Variants in SLC12A8 observed in about 807,000 individuals in gnomAD.
The protein encoded by SLC12A8 is solute carrier family 12 member 8.
A neutral mutation model predicts 75.6 loss-of-function variants in SLC12A8; 69 were observed. The observed-to-expected ratio is 0.91, with a 90% CI of 0.75 to 1.11. The LOEUF is 1.11. Among genes scored for constraint, SLC12A8 ranks in the 50% most tolerant of loss-of-function variants. The pLI is 0.00. For missense variants in SLC12A8, 877 were observed against 896.7 expected (o/e 0.98, Z 0.28); for synonymous variants, 365 against 372.8 (o/e 0.98, Z 0.24).
At chr3:125,100,460 T>A (rs1390277136) in intron 10 of SLC12A8, among the ~76,000 whole-genome samples, 1 of 151,666 alleles carries the variant, frequency 6.6e-6, no homozygotes, top group Non-Finnish European at 1.5e-5. Flanking sequence ...CAGGCTGGAG[T>A]GCAATGGCAT....
chr3:125,180,012 TC>T (rs750525354), intron 4 of SLC12A8, among the ~76,000 whole-genome samples: 2 of 150,552 alleles, frequency 1.3e-5, no homozygotes, highest in African/African-American at 4.8e-5. Flanking sequence ...ACCATCTGCA[TC>T]CAAAGCTTCC....
chr3:125,112,631 A>G (rs1939215786), intron 8 of SLC12A8, among the ~76,000 whole-genome samples: 1 of 152,240 alleles, frequency 6.6e-6, no homozygotes, highest in South Asian at 2.1e-4. Context: ...TGGATCCATT[A>G]TCAATCCTCA....
intron 5 of SLC12A8, among the ~76,000 whole-genome samples, chr3:125,142,231 A>G (rs932248014): frequency 4.6e-5 from 7 of 152,202 alleles, no homozygotes; most frequent in African/African-American, 1.7e-4. Flanking sequence ...GTCACCCACA[A>G]GAGTTCCTTC....
chr3:125,102,182 G>C (rs1211347230), intron 10 of SLC12A8, among the ~76,000 whole-genome samples: 3 of 152,214 alleles, frequency 2.0e-5, no homozygotes, highest in Admixed American at 2.0e-4. Flanking sequence ...GTGAAAGTGG[G>C]TCTTAAAAGT....
At chr3:125,119,346 G>T (rs576273098) in intron 7 of SLC12A8, 1 of 156,700 alleles carries the variant, frequency 6.4e-6, no homozygotes, top group East Asian at 1.9e-4. Flanking sequence ...TCCAGCAAAA[G>T]AACAAGCTGA....
intron 3 of SLC12A8, 41 bp downstream of exon 3, chr3:125,190,334 T>G (rs4679159): frequency 0.091 from 145,925 of 1,608,290 alleles, 6,816 homozygotes; most frequent in African/African-American, 0.14. Flanking sequence ...TTTCCTGTCT[T>G]GGGCCCGTGA....
intron 5 of SLC12A8, among the ~76,000 whole-genome samples, chr3:125,145,269 C>T (rs796702664): frequency 1.5e-4 from 23 of 152,220 alleles, no homozygotes; most frequent in African/African-American, 5.1e-4. Flanking sequence ...CTGTTTTTTC[C>T]ACTAGACTAT....
intron 6 of SLC12A8, among the ~76,000 whole-genome samples, chr3:125,132,614 G>A (rs1933389462): frequency 6.6e-6 from 1 of 152,204 alleles, no homozygotes; most frequent in Admixed American, 6.5e-5. Flanking sequence ...AAGTTGAGGG[G>A]TAGGTGAGAT....
At chr3:125,115,615 C>T (rs1015502869) in intron 8 of SLC12A8, among the ~76,000 whole-genome samples, 3 of 151,968 alleles carry the variant, frequency 2.0e-5, no homozygotes, top group Non-Finnish European at 4.4e-5. Flanking sequence ...ATCAGAGAAG[C>T]TGCAGGAAAC....
intron 6 of SLC12A8, among the ~76,000 whole-genome samples, chr3:125,130,273 C>T (rs1311652616): frequency 6.6e-6 from 1 of 152,132 alleles, no homozygotes; most frequent in East Asian, 1.9e-4. Flanking sequence ...GTCTGTGAGG[C>T]TTTTAGTATC....
intron 3 of SLC12A8, among the ~76,000 whole-genome samples, chr3:125,188,429 T>C (rs921131719): frequency 1.3e-5 from 2 of 152,226 alleles, no homozygotes; most frequent in Non-Finnish European, 2.9e-5. Context: ...AGGATCATGT[T>C]TTCTTCCCCT....
At position 125,121,033 on chromosome 3, in the gene SLC12A8, G is replaced by A. The variant is rs1227626282; in HGVS notation, c.737-347C>T. The stretch of plus-strand genomic sequence containing the variant: ...CCTGCTGAGCTGGGACAATGCCCTG[G>A]AGAGGCTCAGCATTACAAAGGTCTG... On this transcript the variant is annotated intron_variant, in intron 6 of 13. Coordinates refer to ENST00000469902, the MANE Select transcript of SLC12A8 (RefSeq NM_024628.6). 3 of 609,874 alleles carry A rather than the reference G, an allele frequency of 4.9e-6. No individual in the cohort carries two copies. In the African/African-American group the frequency reaches 5.6e-5, roughly 11 times the overall value. 37.8% of individuals were successfully genotyped at this position (609,874 alleles called of 1,614,324 possible).
intron 5 of SLC12A8, among the ~76,000 whole-genome samples, chr3:125,158,520 C>G (rs570451815): frequency 6.6e-6 from 1 of 152,142 alleles, no homozygotes; most frequent in Non-Finnish European, 1.5e-5. Flanking sequence ...AGTGCCTGGG[C>G]CCCCAGTGGG....
chr3:125,122,637 G>A (rs151047750), intron 6 of SLC12A8, among the ~76,000 whole-genome samples: 8 of 152,302 alleles, frequency 5.3e-5, no homozygotes, highest in Non-Finnish European at 1.2e-4. Context: ...AGGGCTGGAC[G>A]TTTGCACCCC....
chr3:125,179,327 T>C (rs1255565761), intron 4 of SLC12A8, among the ~76,000 whole-genome samples: 1 of 152,208 alleles, frequency 6.6e-6, no homozygotes, highest in African/African-American at 2.4e-5. Flanking sequence ...GCAAATATCT[T>C]AAAAAATTGT....
At chr3:125,172,566 C>T (rs377323603) in intron 5 of SLC12A8, among the ~76,000 whole-genome samples, 7 of 152,128 alleles carry the variant, frequency 4.6e-5, no homozygotes, top group East Asian at 3.9e-4. Context: ...GATCCAGGGC[C>T]GCCAGCCAAG....
chr3:125,101,511 G>A (rs1390891744), intron 10 of SLC12A8, among the ~76,000 whole-genome samples: 1 of 152,156 alleles, frequency 6.6e-6, no homozygotes, highest in Admixed American at 6.5e-5. Context: ...GCTTTGGAAG[G>A]TATGCTTTCA....
At chr3:125,085,177 G>A (rs767616915) in intron 13 of SLC12A8, among the ~76,000 whole-genome samples, 12 of 152,162 alleles carry the variant, frequency 7.9e-5, no homozygotes, top group Non-Finnish European at 1.6e-4. Flanking sequence ...TCTCCAAAAA[G>A]TTTAGGAGGT....
chr3:125,199,037 C>T (rs547775133), intron 2 of SLC12A8, among the ~76,000 whole-genome samples: 1 of 152,214 alleles, frequency 6.6e-6, no homozygotes, highest in South Asian at 2.1e-4. Flanking sequence ...CTTGGCCTCC[C>T]AAAGTGCTGG....
Sources: gnomAD v4.1 joint callset for allele counts (sites outside exome capture counted in the v4.1 genomes callset) on GRCh38, gnomAD v4.1.1 for gene constraint, MANE v1.5 for transcripts, NCBI Gene and HGNC (gene_info 2026-07-23, HGNC 2026-07-21) for gene names.